PCNX2: variants seen among roughly 807,000 people sequenced by gnomAD.
The protein encoded by PCNX2 is pecanex-like protein 2.
Under a neutral mutation model 223.8 loss-of-function variants are expected in PCNX2, and 168 were observed. That is an observed-to-expected ratio of 0.75 (90% CI 0.66 to 0.85). The LOEUF (loss-of-function observed/expected upper bound fraction) is 0.85, where lower values mean the gene tolerates loss of function less well. Among genes scored for constraint, PCNX2 ranks in the 40% least tolerant of loss-of-function variants. PCNX2 has a pLI of 0.00. For missense variants in PCNX2, 2,507 were observed against 2,675.5 expected (o/e 0.94, Z 1.39); for synonymous variants, 1,006 against 1,052.6 (o/e 0.96, Z 0.86).
intron 1 of PCNX2, among the ~76,000 whole-genome samples, chr1:233,269,463 G>A (rs12125814): frequency 0.099 from 15,045 of 152,094 alleles, 895 homozygotes; most frequent in South Asian, 0.19. Context: ...AAAAAGCAAA[G>A]GCACTTCTCC....
chr1:233,085,125 G>A (rs1340619484), intron 23 of PCNX2, among the ~76,000 whole-genome samples: 1 of 152,148 alleles, frequency 6.6e-6, no homozygotes, highest in Non-Finnish European at 1.5e-5. Context: ...ACAAGATCAG[G>A]AATTCAAGAC....
At chr1:233,250,957 CG>C in intron 7 of PCNX2, 125 bp from the exon 8 acceptor site, 1 of 1,006,100 alleles carries the variant, frequency 9.9e-7, no homozygotes, top group Non-Finnish European at 1.4e-6. Flanking sequence ...TGTTGACAAT[CG>C]GGGTCCATTC....
At chr1:233,164,682 T>C (rs1678688115) in intron 17 of PCNX2, among the ~76,000 whole-genome samples, 1 of 151,774 alleles carries the variant, frequency 6.6e-6, no homozygotes, top group East Asian at 1.9e-4. Flanking sequence ...CCCCATGGAA[T>C]ACTATTCAGC....
intron 28 of PCNX2, among the ~76,000 whole-genome samples, chr1:233,010,974 G>C (rs144711464): frequency 1.3e-5 from 2 of 152,300 alleles, no homozygotes; most frequent in Non-Finnish European, 2.9e-5. Context: ...CCTGCCTGGA[G>C]AGTCAGTGTT....
chr1:233,062,492 G>A (rs1357253189), intron 23 of PCNX2, among the ~76,000 whole-genome samples: 5 of 152,012 alleles, frequency 3.3e-5, no homozygotes, highest in Admixed American at 6.6e-5. Context: ...GATATTCATA[G>A]CTTATATTTT....
At chr1:233,273,096 G>T (rs1288761672) in intron 1 of PCNX2, among the ~76,000 whole-genome samples, 1 of 150,256 alleles carries the variant, frequency 6.7e-6, no homozygotes, top group Non-Finnish European at 1.5e-5. Flanking sequence ...CACCACTAAA[G>T]AACTTACTTA....
At chr1:233,037,502 TTTTCTTTC>T (rs149916555) in intron 25 of PCNX2, among the ~76,000 whole-genome samples, 1 of 150,844 alleles carries the variant, frequency 6.6e-6, no homozygotes, top group African/African-American at 2.5e-5. Context: ...ACCTGATTGA[TTTTCTTTC>T]TTTCTTTCTT....
At chr1:233,327,048 CT>C in the PCNX2 span, among the ~76,000 whole-genome samples, 1 of 152,180 alleles carries the variant, frequency 6.6e-6, no homozygotes, top group East Asian at 1.9e-4. Flanking sequence ...AGCATGGTGA[CT>C]TGCCACTCGC....
intron 23 of PCNX2, among the ~76,000 whole-genome samples, chr1:233,075,655 A>G (rs1186869495): frequency 6.6e-6 from 1 of 150,522 alleles, no homozygotes; most frequent in Non-Finnish European, 1.5e-5. Context: ...CTCTGTCTCT[A>G]TTGTTTCATT....
chr1:233,019,638 G>T (rs1019347674), intron 26 of PCNX2, among the ~76,000 whole-genome samples: 4 of 152,138 alleles, frequency 2.6e-5, no homozygotes, highest in African/African-American at 7.2e-5. Context: ...CAAGCAGGAT[G>T]AGCGTGGGAC....
chr1:233,022,107 C>T (rs17453089), intron 26 of PCNX2, among the ~76,000 whole-genome samples: 19,227 of 152,050 alleles, frequency 0.13, 1,327 homozygotes, highest in African/African-American at 0.16. Flanking sequence ...TGGGCCTGTC[C>T]ACGTGTCTGG....
At chr1:233,169,228 G>A (rs12064810) in intron 17 of PCNX2, among the ~76,000 whole-genome samples, 9,786 of 151,874 alleles carry the variant, frequency 0.064, 914 homozygotes, top group African/African-American at 0.21. Context: ...ATCTAACTCG[G>A]GGTATTGTGT....
the PCNX2 span, among the ~76,000 whole-genome samples, chr1:233,315,128 G>A: frequency 6.6e-6 from 1 of 152,178 alleles, no homozygotes; most frequent in South Asian, 2.1e-4. Context: ...CATGAGGTTA[G>A]ATAAAGCAGC....
chr1:233,111,871 T>A (rs1675136010), intron 21 of PCNX2, among the ~76,000 whole-genome samples: 1 of 152,242 alleles, frequency 6.6e-6, no homozygotes, highest in South Asian at 2.1e-4. Context: ...AACAAGTGAC[T>A]GAAGGCCTCA....
chr1:233,245,149 T>A (rs1246779451), intron 8 of PCNX2, among the ~76,000 whole-genome samples: 4 of 152,250 alleles, frequency 2.6e-5, no homozygotes, highest in Non-Finnish European at 5.9e-5. Context: ...CTTTGTCATT[T>A]CCAATGATTC....
chr1:233,040,130 C>T (rs1463081688), intron 25 of PCNX2, among the ~76,000 whole-genome samples: 2 of 152,176 alleles, frequency 1.3e-5, no homozygotes, highest in Non-Finnish European at 2.9e-5. Flanking sequence ...TTTTCTCCTG[C>T]TTTTCAAAGA....
intron 4 of PCNX2, 93 bp from the exon 5 acceptor site, chr1:233,259,437 C>T: frequency 7.1e-7 from 1 of 1,411,792 alleles, no homozygotes; most frequent in Non-Finnish European, 9.4e-7. Context: ...ACTAAAACAG[C>T]ACCAGCAACT....
At chr1:233,326,653 T>C in the PCNX2 span, among the ~76,000 whole-genome samples, 3 of 152,388 alleles carry the variant, frequency 2.0e-5, no homozygotes, top group South Asian at 6.2e-4. Context: ...TAACTCAGAA[T>C]GTTACTGTAT....
intron 22 of PCNX2, among the ~76,000 whole-genome samples, chr1:233,092,977 T>G (rs1009208775): frequency 6.6e-6 from 1 of 152,116 alleles, no homozygotes; most frequent in Non-Finnish European, 1.5e-5. Flanking sequence ...TTTTTTGTAT[T>G]TTTAGTAGAG....
Sources: allele counts gnomAD v4.1 joint callset (sites outside exome capture counted in the v4.1 genomes callset), GRCh38; gene constraint gnomAD v4.1.1; transcripts MANE v1.5; gene names NCBI Gene and HGNC (gene_info 2026-07-23, HGNC 2026-07-21).